The following EPB41 variants were observed in gnomAD, a reference collection of about 807,000 sequenced individuals.
EPB41 encodes the protein protein 4.1.
A neutral mutation model predicts 108.0 loss-of-function variants in EPB41; 65 were observed. The observed-to-expected ratio is 0.60, with a 90% CI of 0.49 to 0.74. EPB41 has a LOEUF of 0.74. Among genes scored for constraint, EPB41 ranks in the 30% least tolerant of loss-of-function variants. EPB41 has a pLI of 0.00. For synonymous variants in EPB41, 336 were observed against 358.9 expected (o/e 0.94, Z 0.72); for missense variants, 875 against 1,037.0 (o/e 0.84, Z 2.15).
chr1:29,079,029 C>T (rs1324658525), intron 16 of EPB41, among the ~76,000 whole-genome samples: 2 of 150,558 alleles, frequency 1.3e-5, no homozygotes, highest in South Asian at 2.1e-4. Context: ...AAATTTCGCT[C>T]TTGTTGCCCA....
At chr1:29,035,514 GAC>G (rs764911040) in intron 9 of EPB41, among the ~76,000 whole-genome samples, 3 of 151,382 alleles carry the variant, frequency 2.0e-5, no homozygotes, top group Non-Finnish European at 4.4e-5. Flanking sequence ...GCAGTGTCTG[GAC>G]AATCAAGAGG....
At chr1:29,013,511 T>A (rs1044886509) in intron 5 of EPB41, among the ~76,000 whole-genome samples, 1 of 152,046 alleles carries the variant, frequency 6.6e-6, no homozygotes, top group African/African-American at 2.4e-5. Context: ...AAATTTTGTT[T>A]TTTGTGTTTT....
chr1:28,960,440 A>G (rs1475186352), intron 1 of EPB41, among the ~76,000 whole-genome samples: 2 of 151,706 alleles, frequency 1.3e-5, no homozygotes, highest in Non-Finnish European at 2.9e-5. Context: ...CAAGTTTGCT[A>G]TAACTGGCCA....
rs1454340841 is a variant in EPB41, at chr1:29,035,721, A to G, written c.1366-105A>G. The G allele has an allele frequency of 5.9e-6, 5 of 849,216 alleles. No individual in the cohort carries two copies. The Admixed American group carries it at 8.4e-5, about 14-fold the overall frequency. 52.6% of individuals were successfully genotyped at this position (849,216 alleles called of 1,614,324 possible). On this transcript the variant is annotated intron_variant, in intron 9 of 20. Coordinates refer to ENST00000343067, the MANE Select transcript of EPB41 (RefSeq NM_001376013.1). ...ATTTTATGTCCTTAAATTGGTAACAATGGCCTCTTCTGTGGCACCATATTT... is the reference window on the plus strand; with the variant it reads ...ATTTTATGTCCTTAAATTGGTAACAGTGGCCTCTTCTGTGGCACCATATTT...
intron 17 of EPB41, among the ~76,000 whole-genome samples, chr1:29,105,056 G>A (rs562523399): frequency 6.6e-6 from 1 of 152,156 alleles, no homozygotes; most frequent in South Asian, 2.1e-4. Flanking sequence ...CTATACATGT[G>A]TAACCAAGAC....
At chr1:29,053,036 T>G in intron 11 of EPB41, 68 bp from the exon 12 acceptor site, 2 of 1,540,888 alleles carry the variant, frequency 1.3e-6, no homozygotes, top group South Asian at 1.1e-5. Flanking sequence ...TTATTTTGCC[T>G]GGTGACTTTG....
At chr1:28,981,797 A>G (rs576174168) in intron 1 of EPB41, among the ~76,000 whole-genome samples, 225 of 151,812 alleles carry the variant, frequency 1.5e-3, no homozygotes, top group Non-Finnish European at 2.6e-3. Flanking sequence ...ATGTATGTAA[A>G]ATGCTCTTTG....
intron 4 of EPB41, among the ~76,000 whole-genome samples, chr1:29,007,884 AT>A (rs140408426): frequency 0.34 from 51,285 of 151,930 alleles, 10,766 homozygotes; most frequent in African/African-American, 0.59. Flanking sequence ...TAATGGGTTC[AT>A]TCTACCACCT....
chr1:28,975,978 T>G (rs2095599418), intron 1 of EPB41, among the ~76,000 whole-genome samples: 2 of 128,736 alleles, frequency 1.6e-5, no homozygotes, highest in Non-Finnish European at 1.7e-5. Context: ...AAGAAAGAAA[T>G]ATGTACATGG....
chr1:29,053,382 AC>A (rs748109010), intron 12 of EPB41, 70 bp downstream of exon 12: 2 of 1,551,440 alleles, frequency 1.3e-6, no homozygotes, highest in Admixed American at 1.7e-5. Context: ...TTGACCAGGA[AC>A]GTTTTCAAAG....
At chr1:28,997,865 A>T (rs936134177) in intron 4 of EPB41, among the ~76,000 whole-genome samples, 8 of 152,188 alleles carry the variant, frequency 5.3e-5, no homozygotes, top group Non-Finnish European at 1.2e-4. Context: ...AAGGAGGTAA[A>T]AGAATGGACT....
rs1297773024 is a variant in EPB41 at position 28,977,956 on chromosome 1, CT to C, written c.-7-9464del. ...CTTTATCAGTTTCATTTTATATTCT[CT>C]TTTTTTTTTTAAGAACATAGATGCA... On this transcript the variant is annotated intron_variant, in intron 1 of 20. Coordinates refer to ENST00000343067, the MANE Select transcript of EPB41 (RefSeq NM_001376013.1). Among the ~76,000 whole-genome samples, 129 of 145,048 alleles carry C rather than the reference CT, an allele frequency of 8.9e-4. 1 individual carries two copies. Among genetic ancestry groups the C allele is most frequent in the East Asian group, 2.6e-3 (13 of 4,974 alleles).
chr1:28,922,959 C>G (rs1158494122), intron 1 of EPB41, among the ~76,000 whole-genome samples: 1 of 151,768 alleles, frequency 6.6e-6, no homozygotes, highest in East Asian at 2.0e-4. Flanking sequence ...CCAGCCTGGT[C>G]TCAAGAGATC....
chr1:29,104,884 G>A lies in EPB41; in HGVS notation c.2314-4452G>A, dbSNP rs550067930. ...ATTACAGGTGTGAGCCACTGTGCCC[G>A]GCCTAATTTTTTAATTTTTTGTACA... On this transcript the variant is annotated intron_variant, in intron 17 of 20. Coordinates refer to ENST00000343067, the MANE Select transcript of EPB41 (RefSeq NM_001376013.1). Among the ~76,000 whole-genome samples the A allele has an allele frequency of 3.6e-4, 54 of 151,472 alleles. No homozygotes were observed. The South Asian group carries it at 0.01, about 29-fold the overall frequency.
intron 16 of EPB41, among the ~76,000 whole-genome samples, chr1:29,076,349 C>G (rs2151182301): frequency 6.6e-6 from 1 of 152,300 alleles, no homozygotes; most frequent in Middle Eastern, 3.4e-3. Context: ...TTTGAAATTT[C>G]TGGCTGTCCC....
At chr1:29,112,222 A>C in intron 18 of EPB41, 146 bp from the exon 19 acceptor site, 1 of 671,376 alleles carries the variant, frequency 1.5e-6, no homozygotes, top group East Asian at 2.8e-5. Context: ...GCTGGTCTCA[A>C]ACTCCTGGCC....
chr1:28,887,669 T>C lies in EPB41; in HGVS notation c.-8+459T>C, dbSNP rs1313457279. 1.9e-5 allele frequency: 19 copies of C among 984,650 alleles called. No individual in the cohort carries two copies. The highest frequency in any genetic ancestry group is 8.7e-5 in the African/African-American group (5 of 57,166). 61.0% of individuals were successfully genotyped at this position (984,650 alleles called of 1,614,324 possible). On this transcript the variant is annotated intron_variant, in intron 1 of 16. Transcript: ENST00000347529. This position sits in a 1 kb window ranked among gnomAD's most constrained non-coding sequence, Gnocchi z 4.9. ...AGCAGCGGGAGGGGGCTCCGGGGCC[T>C]GGAGCCCCGCGCCCCGCTCCGGCCC...
chr1:29,070,872 A>G lies in EPB41; in HGVS notation c.2184+5714A>G, dbSNP rs369546221. 1.2e-3 allele frequency: 450 copies of G among 378,692 alleles called. 3 individuals carry two copies. The highest frequency in any genetic ancestry group is 8.5e-3 in the African/African-American group (410 of 48,346). 23.5% of individuals were successfully genotyped at this position (378,692 alleles called of 1,614,324 possible). A position where few individuals can be genotyped will look rare whatever the true frequency, so the allele number is the denominator to read the frequency against. On this transcript the variant is annotated intron_variant, in intron 16 of 20. Transcript: ENST00000343067. ...ATTTAAACAAATCAGAATTAAGCAT[A>G]TGGCAGGTTGGTAATCTTCCCAAAA...
intron 3 of EPB41, 84 bp downstream of exon 3, chr1:28,993,626 T>A: frequency 1.7e-6 from 2 of 1,160,124 alleles, no homozygotes; most frequent in Non-Finnish European, 2.6e-6. Context: ...TTGCCCACGA[T>A]AAGACTCACT....
Sources: allele counts gnomAD v4.1 joint callset (sites outside exome capture counted in the v4.1 genomes callset), GRCh38; gene constraint gnomAD v4.1.1; non-coding constraint Gnocchi (gnomAD v3.1); transcripts MANE v1.5; gene names NCBI Gene and HGNC (gene_info 2026-07-23, HGNC 2026-07-21).